The following PRELID2 variants were observed in gnomAD, a reference collection of about 807,000 sequenced individuals.
The protein encoded by PRELID2 is PRELI domain-containing protein 2.
PRELID2 carries 25 observed loss-of-function variants against 28.4 expected under a neutral mutation model. That is an observed-to-expected ratio of 0.88 (90% CI 0.64 to 1.23). PRELID2 has a LOEUF of 1.23. PRELID2 is among the 50% of genes most tolerant of loss of function. PRELID2 has a pLI of 0.00. For synonymous variants in PRELID2, 76 were observed against 71.6 expected (o/e 1.06, Z -0.31); for missense variants, 201 against 214.4 (o/e 0.94, Z 0.39).
At chr5:145,521,767 G>C (rs1220653278) in intron 1 of PRELID2, among the ~76,000 whole-genome samples, 1 of 152,048 alleles carries the variant, frequency 6.6e-6, no homozygotes, top group Admixed American at 6.6e-5. Flanking sequence ...TTGGCTCAAA[G>C]TTCAAAGAAT....
chr5:145,724,600 A>AATAAATATATATATATATATATATAT (rs1308255896), intron 1 of PRELID2, among the ~76,000 whole-genome samples: 1 of 24,788 alleles, frequency 4.0e-5, no homozygotes, highest in Non-Finnish European at 9.5e-5. Context: ...GAAGTAAATA[A>AATAAATATATATATATATATATATAT]ATATATATAT....
At chr5:145,418,796 G>C in the PRELID2 span, among the ~76,000 whole-genome samples, 1 of 151,482 alleles carries the variant, frequency 6.6e-6, no homozygotes, top group Non-Finnish European at 1.5e-5. Context: ...AGTTACATAT[G>C]TATACATGTG....
chr5:145,356,257 T>A, the PRELID2 span, among the ~76,000 whole-genome samples: 4 of 152,172 alleles, frequency 2.6e-5, no homozygotes, highest in African/African-American at 7.2e-5. Context: ...AACACTGTAC[T>A]TAAGGCTGAC....
chr5:145,821,271 G>C (rs998636363), intron 2 of PRELID2, among the ~76,000 whole-genome samples: 1 of 147,806 alleles, frequency 6.8e-6, no homozygotes, highest in Non-Finnish European at 1.5e-5. Flanking sequence ...GTGTGTGTAA[G>C]CCCTCTTCTG....
At chr5:145,441,170 T>C in the PRELID2 span, 1 of 152,098 alleles carries the variant, frequency 6.6e-6, no homozygotes, top group South Asian at 2.1e-4. Context: ...TCAGTTTAAA[T>C]GATGTGAAGC....
intron 1 of PRELID2, among the ~76,000 whole-genome samples, chr5:145,595,346 T>A (rs1753289952): frequency 6.6e-6 from 1 of 152,092 alleles, no homozygotes; most frequent in South Asian, 2.1e-4. Flanking sequence ...AGCAAAGTCT[T>A]TTAAGCCTTC....
At chr5:145,245,846 C>T in the PRELID2 span, among the ~76,000 whole-genome samples, 1 of 152,058 alleles carries the variant, frequency 6.6e-6, no homozygotes, top group African/African-American at 2.4e-5. Flanking sequence ...GATGATTCTT[C>T]CTCTCACTAG....
At chr5:145,629,965 G>A (rs965847537) in intron 1 of PRELID2, among the ~76,000 whole-genome samples, 27 of 152,166 alleles carry the variant, frequency 1.8e-4, no homozygotes, top group African/African-American at 6.5e-4. Context: ...GGTCCTAACT[G>A]TGAAGGAAAA....
chr5:145,780,894 T>C (rs1393399661), intron 5 of PRELID2, among the ~76,000 whole-genome samples: 1 of 152,170 alleles, frequency 6.6e-6, no homozygotes, highest in Non-Finnish European at 1.5e-5. Flanking sequence ...AATTCAGAGA[T>C]GGTGAGCTGG....
the PRELID2 span, among the ~76,000 whole-genome samples, chr5:145,299,728 TATTG>T: frequency 6.6e-5 from 10 of 151,870 alleles, no homozygotes; most frequent in African/African-American, 2.4e-4. Context: ...TAGCAGCTAT[TATTG>T]ATTATCAATA....
chr5:145,559,050 C>T lies in PRELID2; in HGVS notation n.71-85735G>A, dbSNP rs185164996. ...CAGGCGGATCACGAGGTCAGGAGAT[C>T]GAGACCATCCTGGCTAACATGGTGA... On this transcript the variant is annotated intron_variant and non_coding_transcript_variant, in intron 1 of 2. Coordinates refer to the PRELID2 transcript ENST00000510259. 4.3e-4 allele frequency among the ~76,000 whole-genome samples: 65 copies of T among 152,068 alleles called. No individual in the cohort carries two copies. The East Asian group carries it at 9.9e-3, about 23-fold the overall frequency.
At chr5:145,391,544 T>G in the PRELID2 span, among the ~76,000 whole-genome samples, 9 of 152,290 alleles carry the variant, frequency 5.9e-5, no homozygotes, top group African/African-American at 2.2e-4. Flanking sequence ...CTTCCAGTTT[T>G]ATGATGGAAG....
chr5:145,798,610 C>T (rs1043957381), intron 4 of PRELID2, among the ~76,000 whole-genome samples: 3 of 152,144 alleles, frequency 2.0e-5, no homozygotes, highest in Non-Finnish European at 4.4e-5. Context: ...ATAGCAAAGA[C>T]CTGGAACCAA....
intron 1 of PRELID2, among the ~76,000 whole-genome samples, chr5:145,576,339 C>A (rs1380830800): frequency 6.6e-6 from 1 of 152,086 alleles, no homozygotes; most frequent in Non-Finnish European, 1.5e-5. Flanking sequence ...CTTGCCTGTT[C>A]TGGACAGTTT....
intron 1 of PRELID2, among the ~76,000 whole-genome samples, chr5:145,548,135 A>G (rs927512080): frequency 6.6e-5 from 10 of 152,240 alleles, no homozygotes; most frequent in Non-Finnish European, 1.5e-4. Flanking sequence ...CATCCTGGCC[A>G]CAGAAGATCT....
chr5:145,765,538 G>A (rs1419474278), intron 5 of PRELID2, among the ~76,000 whole-genome samples: 1 of 152,016 alleles, frequency 6.6e-6, no homozygotes, highest in East Asian at 1.9e-4. Flanking sequence ...TCCCTCCAGG[G>A]GCAGCATACA....
intron 1 of PRELID2, among the ~76,000 whole-genome samples, chr5:145,585,502 CTATGG>C (rs933360689): frequency 7.2e-5 from 11 of 151,926 alleles, no homozygotes; most frequent in African/African-American, 1.5e-4. Context: ...TTTTATAGTG[CTATGG>C]TTAGAATTAC....
At chr5:145,273,718 G>A in the PRELID2 span, among the ~76,000 whole-genome samples, 2 of 152,214 alleles carry the variant, frequency 1.3e-5, no homozygotes, top group South Asian at 2.1e-4. Context: ...AATATTTAAT[G>A]TCATTGTCAC....
At chr5:145,547,788 A>T (rs1752800484) in intron 1 of PRELID2, among the ~76,000 whole-genome samples, 1 of 152,238 alleles carries the variant, frequency 6.6e-6, no homozygotes, top group African/African-American at 2.4e-5. Context: ...CATTGCTTAT[A>T]AAAATTTATC....
Sources: gnomAD v4.1 joint callset for allele counts (sites outside exome capture counted in the v4.1 genomes callset) on GRCh38, gnomAD v4.1.1 for gene constraint, MANE v1.5 for transcripts, NCBI Gene and HGNC (gene_info 2026-07-23, HGNC 2026-07-21) for gene names.